Variants in SSBP4 observed in about 807,000 individuals in gnomAD.
SSBP4 encodes single stranded DNA binding protein 4.
A neutral mutation model predicts 64.6 loss-of-function variants in SSBP4; 33 were observed. The ratio of observed to expected loss-of-function variants is 0.51; its 90% confidence interval spans 0.39 to 0.68. The LOEUF (loss-of-function observed/expected upper bound fraction) is 0.68, where lower values mean the gene tolerates loss of function less well. Among genes scored for constraint, SSBP4 ranks in the 30% least tolerant of loss-of-function variants. SSBP4 has a pLI of 0.00. For missense variants in SSBP4, 583 were observed against 566.8 expected (o/e 1.03, Z -0.29); for synonymous variants, 243 against 224.0 (o/e 1.08, Z -0.76).
intron 4 of SSBP4, among the ~76,000 whole-genome samples, chr19:18,429,822 C>A (rs1973197719): frequency 6.6e-6 from 1 of 152,162 alleles, no homozygotes; most frequent in South Asian, 2.1e-4. Flanking sequence ...GCCCCTCCCC[C>A]AGTTTAGGAC....
intron 4 of SSBP4, 114 bp from the exon 5 acceptor site, chr19:18,430,727 A>C: frequency 1.1e-6 from 1 of 885,294 alleles, no homozygotes; most frequent in East Asian, 2.8e-5. Context: ...TCACTGACCA[A>C]TGCCAGCTCG....
At chr19:18,425,742 C>G (rs1050491710) in intron 1 of SSBP4, among the ~76,000 whole-genome samples, 14 of 152,046 alleles carry the variant, frequency 9.2e-5, no homozygotes, top group African/African-American at 2.9e-4. Context: ...CGCTGTGTGT[C>G]CTGCCCCATC....
chr19:18,427,881 T>TC lies in SSBP4; in HGVS notation c.195-13dup. Reference sequence around the variant, plus strand: ...AGGGAGGCACGTGGAGCAACCATCTTCCCCTTTGGCCCACAGCGTCTTCTG... The same window carrying TC: ...AGGGAGGCACGTGGAGCAACCATCTTCCCCCTTTGGCCCACAGCGTCTTCTG... On this transcript the variant is annotated splice_polypyrimidine_tract_variant and intron_variant, in intron 3 of 17. Coordinates refer to ENST00000270061, the MANE Select transcript of SSBP4 (RefSeq NM_032627.5). This position sits in a 1 kb window ranked among gnomAD's most constrained non-coding sequence, Gnocchi z 4.4. 6.2e-7 allele frequency: 1 copy of TC among 1,613,950 alleles called. No individual in the cohort carries two copies. The highest frequency in any genetic ancestry group is 1.1e-5 in the South Asian group (1 of 91,078).
At chr19:18,422,158 C>T (rs1219884582) in intron 1 of SSBP4, among the ~76,000 whole-genome samples, 1 of 152,048 alleles carries the variant, frequency 6.6e-6, no homozygotes, top group Non-Finnish European at 1.5e-5. Flanking sequence ...GAGACTCCAT[C>T]TCAAAAAGAA....
rs989506226 is a variant in SSBP4 at position 18,423,242 on chromosome 19, C to G, written c.59+3535C>G. Among the ~76,000 whole-genome samples, 1 of 152,142 alleles carries G rather than the reference C, an allele frequency of 6.6e-6. No individual in the cohort carries two copies. The highest frequency in any genetic ancestry group is 6.5e-5 in the Admixed American group (1 of 15,270). ...TGGCAGCTCGTGGGTTTCTCCCGGG[C>G]TTGATTTTGAGCCGGCACATGGATG... On this transcript the variant is annotated intron_variant, in intron 1 of 17. Coordinates refer to ENST00000270061, the MANE Select transcript of SSBP4 (RefSeq NM_032627.5). This position sits in a 1 kb window ranked among gnomAD's most constrained non-coding sequence, Gnocchi z 4.0.
chr19:18,433,196 A>G lies in SSBP4; in HGVS notation c.974A>G (p.His325Arg). 1 of 1,575,334 alleles carries G rather than the reference A, an allele frequency of 6.3e-7. No homozygotes were observed. The highest frequency in any genetic ancestry group is 8.6e-7 in the Non-Finnish European group (1 of 1,161,286). The stretch of plus-strand genomic sequence containing the variant: ...GCCATGAGCGCGATGGAGCCTCACC[A>G]CGTGAACGGATCCCTGGGTGAGTGG... ...MAAMSAMEPH[H>R]VNGSLGSGDM... Residue 325 changes from histidine to arginine, a missense_variant, in exon 15 of 18, where the codon CAC becomes CGC. His to Arg is a conservative substitution (Grantham distance 29, BLOSUM62 0). Transcript: ENST00000270061.
chr19:18,405,834 A>G, the SSBP4 span, among the ~76,000 whole-genome samples: 763 of 152,256 alleles, frequency 5.0e-3, 1 homozygote, highest in Non-Finnish European at 7.7e-3. Flanking sequence ...TACTAAAAAT[A>G]CAAAAAATTA....
At chr19:18,422,685 C>T (rs1972543204) in intron 1 of SSBP4, among the ~76,000 whole-genome samples, 1 of 152,226 alleles carries the variant, frequency 6.6e-6, no homozygotes, top group South Asian at 2.1e-4. Flanking sequence ...TTTGCAAGGA[C>T]TGGGTGGGAG....
intron 1 of SSBP4, among the ~76,000 whole-genome samples, chr19:18,421,113 T>C (rs1972434086): frequency 6.6e-6 from 1 of 152,210 alleles, no homozygotes; most frequent in Non-Finnish European, 1.5e-5. Context: ...TCCCCCATCC[T>C]GCCTCTTCTG....
At chr19:18,431,290 C>G (rs2144783335) in intron 5 of SSBP4, 63 bp from the exon 6 acceptor site, 1 of 626,068 alleles carries the variant, frequency 1.6e-6, no homozygotes, top group African/African-American at 1.9e-5. Context: ...GGAGCCCCTC[C>G]CCTCCTCAGC....
the SSBP4 span, among the ~76,000 whole-genome samples, chr19:18,405,516 C>A: frequency 3.5e-5 from 5 of 141,360 alleles, no homozygotes; most frequent in Non-Finnish European, 7.6e-5. Context: ...AAAAAAAAAT[C>A]TTTTTGAGAC....
rs1416358064 is a variant in SSBP4 at position 18,423,433 on chromosome 19, G to T, written c.59+3726G>T. On this transcript the variant is annotated intron_variant, in intron 1 of 17. Transcript: ENST00000270061. The surrounding 1 kb of genome is among the most constrained non-coding windows in gnomAD (Gnocchi z 4.0). Reference sequence around the variant, plus strand: ...AGCTGCCAGAGGCCTGGCCTTTAGGGTTGGCAGAGGGGAGGGAGGACGGCG... The same window carrying T: ...AGCTGCCAGAGGCCTGGCCTTTAGGTTTGGCAGAGGGGAGGGAGGACGGCG... Among the ~76,000 whole-genome samples, 4 of 152,176 alleles carry T rather than the reference G, an allele frequency of 2.6e-5. No individual in the cohort carries two copies. Among genetic ancestry groups the T allele is most frequent in the Non-Finnish European group, 5.9e-5 (4 of 68,036 alleles).
Position 18,433,739 on chromosome 19 carries a change from C to A in SSBP4, c.1050C>A (p.Ser350Arg). ...CCCCCGGCGCCGTGGCCGGCCTGAG[C>A]AACGCCCCGGGCACCCCGCGGGACG... ...KSSPGAVAGLSNAPGTPRDDG... is the reference protein window; with the variant it reads ...KSSPGAVAGLRNAPGTPRDDG... The change falls in exon 17 of 18, where the codon AGC (serine) becomes AGA (arginine). Residue 350 changes from serine to arginine, a missense_variant. Coordinates refer to ENST00000270061, the MANE Select transcript of SSBP4 (RefSeq NM_032627.5). 2.1e-6 allele frequency: 3 copies of A among 1,435,180 alleles called. No individual in the cohort carries two copies. The highest frequency in any genetic ancestry group is 2.7e-6 in the Non-Finnish European group (3 of 1,104,182). The allele number at this position is 1,435,180 out of a possible 1,614,324, so 88.9% of individuals were successfully genotyped here.
At position 18,423,790 on chromosome 19, in the gene SSBP4, G is replaced by A. The variant is rs550378998; in HGVS notation, c.60-3561G>A. ...CTGCTGCTCTTCCGGGTGCCTCCCT[G>A]TTTTCCTTTCTGGCCACCTGCCTGT... On this transcript the variant is annotated intron_variant, in intron 1 of 17. Coordinates refer to ENST00000270061, the MANE Select transcript of SSBP4 (RefSeq NM_032627.5). This position sits in a 1 kb window ranked among gnomAD's most constrained non-coding sequence, Gnocchi z 4.0. Among the ~76,000 whole-genome samples, 2 of 152,254 alleles carry A rather than the reference G, an allele frequency of 1.3e-5. No homozygotes were observed. Among genetic ancestry groups the A allele is most frequent in the South Asian group, 2.1e-4 (1 of 4,828 alleles).
At chr19:18,418,949 G>A (rs1352444795), upstream of SSBP4, 1 of 985,126 alleles carries the variant, frequency 1.0e-6, no homozygotes, top group East Asian at 1.1e-4. The surrounding 1 kb of genome is among the most constrained non-coding windows in gnomAD (Gnocchi z 6.7). Flanking sequence ...CGGGCTGTAT[G>A]TGCGGTGGTT....
upstream of SSBP4, among the ~76,000 whole-genome samples, chr19:18,417,107 G>A (rs1237576434): frequency 2.0e-5 from 3 of 151,518 alleles, no homozygotes; most frequent in Non-Finnish European, 2.9e-5. The surrounding 1 kb of genome is among the most constrained non-coding windows in gnomAD (Gnocchi z 5.4). Context: ...TCCCCCGGGA[G>A]ACCGACCGAC....
chr19:18,432,443 TCTG>T, intron 10 of SSBP4, 113 bp from the exon 11 acceptor site: 3 of 1,444,838 alleles, frequency 2.1e-6, no homozygotes, highest in Non-Finnish European at 2.8e-6. Context: ...TCCAGCAACA[TCTG>T]CTGCTCTGTG....
At chr19:18,434,040 A>G in intron 17 of SSBP4, 177 bp from the exon 18 acceptor site, 6 of 1,052,412 alleles carry the variant, frequency 5.7e-6, no homozygotes, top group East Asian at 1.5e-4. Context: ...CCACCCCGGG[A>G]CCCGCGCCCC....
the SSBP4 span, among the ~76,000 whole-genome samples, chr19:18,412,426 A>T: frequency 1.4e-5 from 2 of 141,302 alleles, no homozygotes; most frequent in East Asian, 2.1e-4. Flanking sequence ...GCACCACGGC[A>T]CTCCAGCCTG....
Sources: gnomAD v4.1 joint callset for allele counts (sites outside exome capture counted in the v4.1 genomes callset) on GRCh38, gnomAD v4.1.1 for gene constraint, Gnocchi (gnomAD v3.1) non-coding constraint, MANE v1.5 for transcripts, NCBI Gene and HGNC (gene_info 2026-07-23, HGNC 2026-07-21) for gene names.